Variants in DHX30 observed in about 807,000 individuals in gnomAD.
The protein encoded by DHX30 is DExH-box helicase 30.
In DHX30, 4 loss-of-function variants were observed where a neutral mutation model predicts 116.9. The ratio of observed to expected loss-of-function variants is 0.03; its 90% CI spans 0.02 to 0.08. The LOEUF (loss-of-function observed/expected upper bound fraction) is 0.08. Ranked by LOEUF, DHX30 falls within the 10% of genes least tolerant of loss-of-function variation. The pLI is 1.00. For missense variants in DHX30, 871 were observed against 1,595.1 expected, an observed-to-expected ratio of 0.55 and a Z score of 7.73; for synonymous variants, 697 against 651.7, an observed-to-expected ratio of 1.07 and a Z score of -1.06.
chr3:47,844,628 C>T (rs537026519), intron 9 of DHX30, among the ~76,000 whole-genome samples: 1 of 152,312 alleles, frequency 6.6e-6, no homozygotes, highest in Non-Finnish European at 1.5e-5. Flanking sequence ...GGGTTGGCCC[C>T]TGTTGGGGGA....
intron 6 of DHX30, among the ~76,000 whole-genome samples, 181 bp downstream of exon 6, chr3:47,829,315 T>TATATATATA (rs869292091): frequency 0.017 from 549 of 32,616 alleles, 3 homozygotes; most frequent in Non-Finnish European, 0.023. Context: ...TATATATATA[T>TATATATATA]TTTTTTTTTT....
In DHX30 at chr3:47,847,962, A is replaced by C. The variant is rs2037691017; in HGVS notation, c.2286+6A>C. On this transcript the variant is annotated splice_donor_region_variant and intron_variant, in intron 14 of 21. Transcript: ENST00000445061. This position sits in a 1 kb window ranked among gnomAD's most constrained non-coding sequence, Gnocchi z 5.5. ...GCTATGACCTGAAGACCAAGGTGGC[A>C]CCTACCTCCTGGGCCCGGCCAACCA... is the stretch of plus-strand genomic sequence containing the variant. 3 of 1,611,998 alleles carry C rather than the reference A, an allele frequency of 1.9e-6. No individual in the cohort carries two copies. In the East Asian group the frequency reaches 6.7e-5, roughly 36 times the overall value.
At chr3:47,832,814 T>A (rs2036921725) in intron 6 of DHX30, among the ~76,000 whole-genome samples, 1 of 152,086 alleles carries the variant, frequency 6.6e-6, no homozygotes, top group Non-Finnish European at 1.5e-5. Context: ...TGTTTTTATA[T>A]TTTTGGTAGA....
chr3:47,803,297 C>T (rs896371167), intron 1 of DHX30, 85 bp downstream of exon 1: 7 of 388,098 alleles, frequency 1.8e-5, no homozygotes, highest in Admixed American at 4.5e-5. Flanking sequence ...GGAGGGGGCC[C>T]GGTCCGACCG....
At position 47,847,149 on chromosome 3, in the gene DHX30, C is replaced by T. The variant is rs534817429; in HGVS notation, c.1930-124C>T. The T allele has an allele frequency of 3.0e-4, 441 of 1,468,396 alleles. 1 individual carries two copies. The highest frequency in any genetic ancestry group is 3.9e-4 in the Non-Finnish European group (414 of 1,059,366). 91.0% of individuals were successfully genotyped at this position (1,468,396 alleles called of 1,614,324 possible). ...AGAAACTGGGGACTAACCCTGCCTGCGTGGCACACGTGAGGATTGGAGTTG... is the reference window on the plus strand; with the variant it reads ...AGAAACTGGGGACTAACCCTGCCTGTGTGGCACACGTGAGGATTGGAGTTG... On this transcript the variant is annotated intron_variant, in intron 11 of 21. Transcript: ENST00000445061. This position sits in a 1 kb window ranked among gnomAD's most constrained non-coding sequence, Gnocchi z 5.5.
chr3:47,828,005 G>A (rs926904410), intron 5 of DHX30, among the ~76,000 whole-genome samples: 1 of 151,924 alleles, frequency 6.6e-6, no homozygotes, highest in Non-Finnish European at 1.5e-5. Context: ...ACTACAGACA[G>A]GTGCCACCAC....
intron 4 of DHX30, among the ~76,000 whole-genome samples, chr3:47,820,717 A>G (rs1396639108): frequency 6.6e-6 from 1 of 152,114 alleles, no homozygotes; most frequent in Non-Finnish European, 1.5e-5. Flanking sequence ...GTAGTTGTTT[A>G]GCACATGTAG....
intron 4 of DHX30, chr3:47,826,016 GT>G (rs573141700): frequency 6.6e-6 from 1 of 152,274 alleles, no homozygotes; most frequent in Non-Finnish European, 1.5e-5. Context: ...AGGCAGCAGA[GT>G]TACATCAGAA....
chr3:47,816,071 C>G, intron 3 of DHX30: 1 of 985,114 alleles, frequency 1.0e-6, no homozygotes, highest in Non-Finnish European at 1.2e-6. Flanking sequence ...CAAAATAAAC[C>G]TTGATCCTAG....
At chr3:47,828,396 G>A (rs1328930423) in intron 5 of DHX30, among the ~76,000 whole-genome samples, 3 of 150,200 alleles carry the variant, frequency 2.0e-5, no homozygotes, top group African/African-American at 7.4e-5. Flanking sequence ...GGAGGTTGAG[G>A]CTGCAGTAAG....
intron 6 of DHX30, 26 bp downstream of exon 6, chr3:47,829,160 T>G: frequency 3.0e-6 from 4 of 1,332,566 alleles, no homozygotes; most frequent in Non-Finnish European, 4.2e-6. Flanking sequence ...TGAAAGCCAC[T>G]GAGACCTTCC....
chr3:47,848,859 TTC>T lies in DHX30; in HGVS notation c.2769+44_2769+45del, dbSNP rs758979415. The T allele has an allele frequency of 2.5e-6, 4 of 1,599,838 alleles. No individual in the cohort carries two copies. In the East Asian group the frequency reaches 9.0e-5, roughly 36 times the overall value. On this transcript the variant is annotated intron_variant, in intron 17 of 21. Transcript: ENST00000445061. The surrounding 1 kb of genome is among the most constrained non-coding windows in gnomAD (Gnocchi z 9.4). ...TCCTGGAGCCGTCCACCCACTGCTG[TTC>T]TGAGGGGGCGTTGTCTAGCCCCTGC...
chr3:47,812,608 T>C (rs1214175508), intron 3 of DHX30, among the ~76,000 whole-genome samples: 3 of 150,898 alleles, frequency 2.0e-5, no homozygotes, highest in Admixed American at 6.6e-5. Flanking sequence ...ACAAGGATAG[T>C]AGCAAGCCAT....
intron 6 of DHX30, 121 bp from the exon 7 acceptor site, chr3:47,840,756 G>C: frequency 3.2e-6 from 4 of 1,234,750 alleles, no homozygotes; most frequent in South Asian, 1.3e-5. Context: ...GGGCTGAAGT[G>C]GGTAAACAGA....
chr3:47,841,155 C>T lies in DHX30; in HGVS notation c.645C>T (p.Ser215=), dbSNP rs766051455. ...TCTTGTCCATGACCCAGCAGGATTC[C>T]CACGCTCCACTCAGGGACTCAAGGT... The part of the protein sequence containing the change: ...TDFLSMTQQD[S]HAPLRDSRGS... Residue 215 remains serine, a synonymous_variant, in exon 7 of 22, where the codon TCC becomes TCT. Coordinates refer to ENST00000445061, the MANE Select transcript of DHX30 (RefSeq NM_138615.3). 4 of 1,613,996 alleles carry T rather than the reference C, an allele frequency of 2.5e-6. No individual in the cohort carries two copies. Among genetic ancestry groups the T allele is most frequent in the Non-Finnish European group, 3.4e-6 (4 of 1,180,018 alleles).
Position 47,850,018 on chromosome 3 carries a change from C to T in DHX30, c.3483C>T (p.Pro1161=), listed in dbSNP as rs763494711. ...TGCGCAGCGAGCTGGCTGCACTTCC[C>T]CCCAGCGTACAGGAGGAGCACGGGC... ...RSLRSELAAL[P]PSVQEEHGQL... The change falls in exon 22 of 22, where the codon CCC becomes CCT. Residue 1161 remains proline (P), a synonymous_variant. Coordinates refer to ENST00000445061, the MANE Select transcript of DHX30 (RefSeq NM_138615.3). The T allele has an allele frequency of 1.9e-6, 3 of 1,610,516 alleles. No individual in the cohort carries two copies. Among genetic ancestry groups the T allele is most frequent in the South Asian group, 2.2e-5 (2 of 90,786 alleles).
At chr3:47,849,602 G>A (rs766946771) in intron 20 of DHX30, 28 bp from the exon 21 acceptor site, 1 of 1,614,022 alleles carries the variant, frequency 6.2e-7, no homozygotes, top group Non-Finnish European at 8.5e-7. Context: ...GTCCAAAAGG[G>A]TGGCCTCACC....
At chr3:47,833,930 TATGGTGTAC>T (rs984817285) in intron 6 of DHX30, among the ~76,000 whole-genome samples, 3 of 152,148 alleles carry the variant, frequency 2.0e-5, no homozygotes, top group African/African-American at 7.2e-5. Context: ...TTATAGTCCT[TATGGTGTAC>T]ATTAGATCTT....
chr3:47,815,636 C>A (rs886797531), intron 3 of DHX30, among the ~76,000 whole-genome samples: 8 of 147,344 alleles, frequency 5.4e-5, no homozygotes, highest in African/African-American at 1.7e-4. Flanking sequence ...ACTGCCCTTG[C>A]GAGCATCTTA....
Sources: allele counts gnomAD v4.1 joint callset (sites outside exome capture counted in the v4.1 genomes callset), GRCh38; gene constraint gnomAD v4.1.1; non-coding constraint Gnocchi (gnomAD v3.1); transcripts MANE v1.5; gene names NCBI Gene and HGNC (gene_info 2026-07-23, HGNC 2026-07-21).